BICRAL: variants seen among roughly 807,000 people sequenced by gnomAD.
The protein encoded by BICRAL is BICRA like chromatin remodeling complex associated protein.
A neutral mutation model predicts 91.8 loss-of-function variants in BICRAL; 8 were observed. The ratio of observed to expected loss-of-function variants is 0.09; its 90% CI spans 0.05 to 0.16. The LOEUF is 0.16. Ranked by LOEUF, BICRAL falls within the 10% of genes least tolerant of loss-of-function variation. BICRAL has a pLI of 1.00. For synonymous variants in BICRAL, 445 were observed against 491.1 expected (o/e 0.91, Z 1.24); for missense variants, 1,038 against 1,310.9 (o/e 0.79, Z 3.21).
intron 1 of BICRAL, among the ~76,000 whole-genome samples, chr6:42,799,404 G>T (rs1296408775): frequency 2.0e-5 from 3 of 151,400 alleles, no homozygotes; most frequent in Non-Finnish European, 4.4e-5. Flanking sequence ...GTTCAAGGGA[G>T]TCTCCTGCCT....
At position 42,829,367 on chromosome 6, in the gene BICRAL, C is replaced by T. The variant is rs1267427595; in HGVS notation, c.1034C>T (p.Ala345Val). 1 of 1,614,198 alleles carries T rather than the reference C, an allele frequency of 6.2e-7. No homozygotes were observed. The highest frequency in any genetic ancestry group is 8.5e-7 in the Non-Finnish European group (1 of 1,180,030). Residue 345 changes from alanine (A) to valine (V), a missense_variant, in exon 6 of 13, where the codon GCT becomes GTT. By Grantham distance (64) the Ala-to-Val change is moderately conservative. Coordinates refer to ENST00000314073, the MANE Select transcript of BICRAL (RefSeq NM_001393499.1). ...QHHVQQGISF[A>V]SASSPQGSVV... is the part of the protein sequence containing the mutation. Reference sequence around the variant, plus strand: ...CACGTACAACAAGGGATCTCTTTTGCTTCTGCAAGCTCACCCCAGGGCTCA... The same window carrying T: ...CACGTACAACAAGGGATCTCTTTTGTTTCTGCAAGCTCACCCCAGGGCTCA...
chr6:42,797,972 T>A (rs1372118615), intron 1 of BICRAL, among the ~76,000 whole-genome samples: 1 of 151,998 alleles, frequency 6.6e-6, no homozygotes, highest in Non-Finnish European at 1.5e-5. Flanking sequence ...TGAGACAATG[T>A]CTCAAAAATA....
intron 2 of BICRAL, among the ~76,000 whole-genome samples, chr6:42,812,906 G>C (rs1181505718): frequency 1.3e-5 from 2 of 152,116 alleles, no homozygotes; most frequent in African/African-American, 4.8e-5. Context: ...ATGATGGCAA[G>C]TGCCTGTGGT....
At chr6:42,850,190 G>A (rs981624622) in intron 6 of BICRAL, among the ~76,000 whole-genome samples, 5 of 152,062 alleles carry the variant, frequency 3.3e-5, no homozygotes, top group African/African-American at 1.2e-4. Context: ...CAGATGGTTA[G>A]ACTAAACTCT....
intron 1 of BICRAL, among the ~76,000 whole-genome samples, chr6:42,770,314 C>T (rs879513334): frequency 2.0e-5 from 3 of 151,994 alleles, no homozygotes; most frequent in East Asian, 1.9e-4. Context: ...CTGCAACCTT[C>T]GCCTCTCGGG....
intron 6 of BICRAL, among the ~76,000 whole-genome samples, chr6:42,844,999 C>A (rs549178365): frequency 1.3e-5 from 2 of 151,716 alleles, no homozygotes; most frequent in African/African-American, 4.8e-5. Flanking sequence ...AAATAGCATT[C>A]AAAAGAGCTG....
At position 42,802,422 on chromosome 6, in the gene BICRAL, T is replaced by G. The variant is rs556030149; in HGVS notation, c.-101-7884T>G. Reference sequence around the variant, plus strand: ...CTTTTGGCTCTTTCAGCTTTTCGTGTTTTTTTTTGTTGTTGTTGTTGTTGT... The same window carrying G: ...CTTTTGGCTCTTTCAGCTTTTCGTGGTTTTTTTTGTTGTTGTTGTTGTTGT... On this transcript the variant is annotated intron_variant, in intron 1 of 12. Transcript: ENST00000314073. 1.6e-4 allele frequency among the ~76,000 whole-genome samples: 10 copies of G among 62,794 alleles called. No individual in the cohort carries two copies. In the East Asian group the frequency reaches 2.2e-3, roughly 14 times the overall value. The allele number at this position is 62,794 out of a possible 152,430, so 41.2% of individuals were successfully genotyped here.
chr6:42,779,969 T>C (rs1196700058), upstream of BICRAL, among the ~76,000 whole-genome samples: 2 of 152,106 alleles, frequency 1.3e-5, no homozygotes, highest in Admixed American at 6.6e-5. Context: ...AGCCTGCCCA[T>C]AGCTCACTGC....
intron 1 of BICRAL, among the ~76,000 whole-genome samples, chr6:42,789,535 A>G (rs1011346700): frequency 4.6e-5 from 7 of 151,794 alleles, no homozygotes; most frequent in Admixed American, 3.9e-4. Flanking sequence ...CCAGCTACTC[A>G]GGAGGCTGAG....
At chr6:42,832,734 C>T (rs1764527425) in intron 6 of BICRAL, among the ~76,000 whole-genome samples, 1 of 151,586 alleles carries the variant, frequency 6.6e-6, no homozygotes, top group African/African-American at 2.4e-5. Flanking sequence ...CATATACAAA[C>T]ACACACACAC....
intron 1 of BICRAL, among the ~76,000 whole-genome samples, chr6:42,749,319 G>A (rs572223319): frequency 1.3e-5 from 2 of 152,222 alleles, no homozygotes; most frequent in South Asian, 4.1e-4. Context: ...GTTCTCACTC[G>A]TATGTGGGAA....
chr6:42,834,673 C>T (rs1764591111), intron 6 of BICRAL, among the ~76,000 whole-genome samples: 1 of 151,932 alleles, frequency 6.6e-6, no homozygotes, highest in Non-Finnish European at 1.5e-5. Context: ...AATAATTATA[C>T]AATAATTTAT....
rs375859038 is a variant in BICRAL at position 42,862,462 on chromosome 6, C to G, written c.2350-48C>G. The G allele has an allele frequency of 7.6e-5, 95 of 1,249,102 alleles. No individual in the cohort carries two copies. In the African/African-American group the frequency reaches 1.1e-3, roughly 15 times the overall value. The allele number at this position is 1,249,102 out of a possible 1,614,324, so 77.4% of individuals were successfully genotyped here. On this transcript the variant is annotated intron_variant, in intron 11 of 12. Transcript: ENST00000314073. ...GTAAATTATTTTTTCCAAAAGCAAC[C>G]ATTTTTTAAAAATTGTCTATGAAAT...
intron 1 of BICRAL, among the ~76,000 whole-genome samples, chr6:42,803,863 T>C (rs1763638617): frequency 6.6e-6 from 1 of 152,240 alleles, no homozygotes; most frequent in African/African-American, 2.4e-5. Context: ...CTATATGGTA[T>C]AGCCTATTGT....
At chr6:42,793,103 A>C in intron 1 of BICRAL, among the ~76,000 whole-genome samples, 1 of 127,966 alleles carries the variant, frequency 7.8e-6, no homozygotes. Flanking sequence ...TTACAAGCGC[A>C]TGCCACCATG....
At chr6:42,835,533 A>G (rs1764612800) in intron 6 of BICRAL, among the ~76,000 whole-genome samples, 1 of 151,836 alleles carries the variant, frequency 6.6e-6, no homozygotes, top group African/African-American at 2.4e-5. Flanking sequence ...TGGCTAATCC[A>G]TGTTTTAAAC....
chr6:42,831,751 T>TG (rs944254808), intron 6 of BICRAL, among the ~76,000 whole-genome samples: 8 of 151,702 alleles, frequency 5.3e-5, no homozygotes, highest in Non-Finnish European at 1.0e-4. Context: ...AAATCTTTTT[T>TG]TTTTTTTGAG....
intron 6 of BICRAL, among the ~76,000 whole-genome samples, chr6:42,847,693 G>T (rs1349431212): frequency 1.3e-5 from 2 of 152,156 alleles, no homozygotes; most frequent in African/African-American, 4.8e-5. Context: ...GGGAGGCCGA[G>T]GCAGGTGGAT....
At chr6:42,804,239 C>A (rs1176051192) in intron 1 of BICRAL, among the ~76,000 whole-genome samples, 3 of 152,190 alleles carry the variant, frequency 2.0e-5, no homozygotes, top group Non-Finnish European at 4.4e-5. Context: ...TCAGGCTGGT[C>A]TCAAACTCCT....
Sources: allele counts gnomAD v4.1 joint callset (sites outside exome capture counted in the v4.1 genomes callset), GRCh38; gene constraint gnomAD v4.1.1; transcripts MANE v1.5; gene names NCBI Gene and HGNC (gene_info 2026-07-23, HGNC 2026-07-21).